The following AGPAT4 variants were observed in gnomAD, a reference collection of about 807,000 sequenced individuals.
The protein encoded by AGPAT4 is 1-acyl-sn-glycerol-3-phosphate acyltransferase delta.
A neutral mutation model predicts 48.0 loss-of-function variants in AGPAT4; 15 were observed. That is an observed-to-expected ratio of 0.31 (90% CI 0.21 to 0.48). The LOEUF is 0.48. AGPAT4 is among the 20% of genes least tolerant of loss of function. The pLI is 0.99. For synonymous variants in AGPAT4, 178 were observed against 198.7 expected (o/e 0.90, Z 0.88); for missense variants, 314 against 482.5 (o/e 0.65, Z 3.27).
Position 161,206,132 on chromosome 6 carries a change from C to T in AGPAT4, c.178+25904G>A, listed in dbSNP as rs984976836. Among the ~76,000 whole-genome samples the T allele has an allele frequency of 6.6e-6, 1 of 152,106 alleles. No homozygotes were observed. The highest frequency in any genetic ancestry group is 2.4e-5 in the African/African-American group (1 of 41,408). On this transcript the variant is annotated intron_variant, in intron 2 of 8. Transcript: ENST00000320285. This position sits in a 1 kb window ranked among gnomAD's most constrained non-coding sequence, Gnocchi z 4.8. ...AGCTAAAGGATCAGGGAAGTGGCAGCCTAGCAAGACCGAAAACCTCTAGAC... is the reference window on the plus strand; with the variant it reads ...AGCTAAAGGATCAGGGAAGTGGCAGTCTAGCAAGACCGAAAACCTCTAGAC...
At position 161,218,795 on chromosome 6, in the gene AGPAT4, C is replaced by T. The variant is rs1158183537; in HGVS notation, c.178+13241G>A. ...GAGGTGAAAAAACACTGTTATCTAC[C>T]AAACAGTATGATAAAACACTGTATC... is the stretch of plus-strand genomic sequence containing the variant. On this transcript the variant is annotated intron_variant, in intron 2 of 8. Coordinates refer to ENST00000320285, the MANE Select transcript of AGPAT4 (RefSeq NM_020133.3). The surrounding 1 kb of genome is among the most constrained non-coding windows in gnomAD (Gnocchi z 4.7). Among the ~76,000 whole-genome samples the T allele has an allele frequency of 1.3e-5, 2 of 151,596 alleles. No homozygotes were observed. The highest frequency in any genetic ancestry group is 4.8e-5 in the African/African-American group (2 of 41,290).
In AGPAT4 at chr6:161,166,636, T is replaced by C. The variant is rs1052643729; in HGVS notation, c.179-219A>G. Among the ~76,000 whole-genome samples the C allele has an allele frequency of 1.3e-5, 2 of 152,168 alleles. No homozygotes were observed. The highest frequency in any genetic ancestry group is 2.9e-5 in the Non-Finnish European group (2 of 68,040). On this transcript the variant is annotated intron_variant, in intron 2 of 8. Transcript: ENST00000320285. This position sits in a 1 kb window ranked among gnomAD's most constrained non-coding sequence, Gnocchi z 6.7. ...CATTCTCCAGGGAAGAAGAGAAGGA[T>C]ACTTGGAGAAGGTAAATGACTTACT...
intron 3 of AGPAT4, chr6:161,160,935 C>T (rs1481021170): frequency 6.6e-6 from 3 of 452,842 alleles, no homozygotes; most frequent in South Asian, 3.1e-5. Context: ...CCCAGCACCC[C>T]AGCACCCTAT....
intron 2 of AGPAT4, among the ~76,000 whole-genome samples, chr6:161,203,381 CTTTTTT>C (rs10585542): frequency 2.7e-5 from 3 of 110,794 alleles, no homozygotes; most frequent in East Asian, 5.8e-4. Flanking sequence ...CTTTTTCTTT[CTTTTTT>C]TTTTTTTTTT....
In AGPAT4 at chr6:161,138,164, G is replaced by C. The variant is rs1779134227; in HGVS notation, c.1042+1258C>G. Among the ~76,000 whole-genome samples, 1 of 152,242 alleles carries C rather than the reference G, an allele frequency of 6.6e-6. No homozygotes were observed. Among genetic ancestry groups the C allele is most frequent in the South Asian group, 2.1e-4 (1 of 4,828 alleles). ...ATGGCGGGGCATGGGGGTGCCCCTGGACCTGCCTTAAGGAGATGAGGTGCT... is the reference window on the plus strand; with the variant it reads ...ATGGCGGGGCATGGGGGTGCCCCTGCACCTGCCTTAAGGAGATGAGGTGCT... On this transcript the variant is annotated intron_variant, in intron 8 of 8. Transcript: ENST00000320285. This position sits in a 1 kb window ranked among gnomAD's most constrained non-coding sequence, Gnocchi z 4.8.
At position 161,259,301 on chromosome 6, in the gene AGPAT4, T is replaced by A. The variant is rs1783035025; in HGVS notation, c.-90+14637A>T. Among the ~76,000 whole-genome samples the A allele has an allele frequency of 6.6e-6, 1 of 152,138 alleles. No homozygotes were observed. The highest frequency in any genetic ancestry group is 1.5e-5 in the Non-Finnish European group (1 of 68,030). ...AAATACACATTATTCTTAGTTATGG[T>A]CACAATGCCATGTAACAGACCTCTG... is the stretch of plus-strand genomic sequence containing the variant. On this transcript the variant is annotated intron_variant, in intron 1 of 8. Transcript: ENST00000320285. The surrounding 1 kb of genome is among the most constrained non-coding windows in gnomAD (Gnocchi z 4.9).
At position 161,153,331 on chromosome 6, in the gene AGPAT4, C is replaced by G. The variant is rs200508297; in HGVS notation, c.664+15G>C. The G allele has an allele frequency of 6.3e-7, 1 of 1,599,482 alleles. No individual in the cohort carries two copies. Among genetic ancestry groups the G allele is most frequent in the Non-Finnish European group, 8.5e-7 (1 of 1,172,534 alleles). ...GCTGCCACGGGGAGGCCCAGGGCCACGCACTCTTCCTTACCTACATTTCTC... is the reference window on the plus strand; with the variant it reads ...GCTGCCACGGGGAGGCCCAGGGCCAGGCACTCTTCCTTACCTACATTTCTC... On this transcript the variant is annotated intron_variant, in intron 5 of 8. Coordinates refer to ENST00000320285, the MANE Select transcript of AGPAT4 (RefSeq NM_020133.3).
In AGPAT4 at chr6:161,155,682, A is replaced by G. The variant is rs1779748825; in HGVS notation, c.349-1372T>C. Among the ~76,000 whole-genome samples, 1 of 152,242 alleles carries G rather than the reference A, an allele frequency of 6.6e-6. No homozygotes were observed. The highest frequency in any genetic ancestry group is 2.1e-4 in the South Asian group (1 of 4,828). On this transcript the variant is annotated intron_variant, in intron 3 of 8. Coordinates refer to ENST00000320285, the MANE Select transcript of AGPAT4 (RefSeq NM_020133.3). The surrounding 1 kb of genome is among the most constrained non-coding windows in gnomAD (Gnocchi z 5.8). ...AAATCCAACATGCAGATTCTCTCCA[A>G]GAAAACTTAGCCATGAAATCGGAGG...
chr6:161,177,374 C>G lies in AGPAT4; in HGVS notation c.179-10957G>C, dbSNP rs374098003. 6.6e-6 allele frequency among the ~76,000 whole-genome samples: 1 copy of G among 152,298 alleles called. No individual in the cohort carries two copies. Among genetic ancestry groups the G allele is most frequent in the African/African-American group, 2.4e-5 (1 of 41,560 alleles). The stretch of plus-strand genomic sequence containing the variant: ...TCTTCTTTCTCTAAACTTCTCTTCT[C>G]GCTTCATTTCATTAATTTGATCTTC... On this transcript the variant is annotated intron_variant, in intron 2 of 8. Coordinates refer to ENST00000320285, the MANE Select transcript of AGPAT4 (RefSeq NM_020133.3). This position sits in a 1 kb window ranked among gnomAD's most constrained non-coding sequence, Gnocchi z 5.0.
rs904590874 is a variant in AGPAT4, at chr6:161,137,978, C to T, written c.1043-1344G>A. Among the ~76,000 whole-genome samples, 1 of 152,226 alleles carries T rather than the reference C, an allele frequency of 6.6e-6. No individual in the cohort carries two copies. Among genetic ancestry groups the T allele is most frequent in the African/African-American group, 2.4e-5 (1 of 41,456 alleles). On this transcript the variant is annotated intron_variant, in intron 8 of 8. Transcript: ENST00000320285. This position sits in a 1 kb window ranked among gnomAD's most constrained non-coding sequence, Gnocchi z 6.1. ...GTACTCGCTACACAGCTGGGTGGCC[C>T]TGTCTGCAGCCTTCATCCTGAAGGG...
chr6:161,199,916 A>C (rs1781179132), intron 2 of AGPAT4, among the ~76,000 whole-genome samples: 1 of 152,130 alleles, frequency 6.6e-6, no homozygotes, highest in African/African-American at 2.4e-5. Context: ...GAATAGACTA[A>C]AGCAGCTTGA....
Position 161,212,816 on chromosome 6 carries a change from G to A in AGPAT4, c.178+19220C>T, listed in dbSNP as rs1048188319. 2.0e-5 allele frequency among the ~76,000 whole-genome samples: 3 copies of A among 152,162 alleles called. No homozygotes were observed. Among genetic ancestry groups the A allele is most frequent in the Non-Finnish European group, 4.4e-5 (3 of 68,040 alleles). On this transcript the variant is annotated intron_variant, in intron 2 of 8. Transcript: ENST00000320285. This position sits in a 1 kb window ranked among gnomAD's most constrained non-coding sequence, Gnocchi z 6.1. Reference sequence around the variant, plus strand: ...AATCAGCTATAGAACTCTAACAGGTGTTCTTAAATGCAGGTTTCTGATAAC... The same window carrying A: ...AATCAGCTATAGAACTCTAACAGGTATTCTTAAATGCAGGTTTCTGATAAC...
In AGPAT4 at chr6:161,139,641, C is replaced by T. The variant is rs202150883; in HGVS notation, c.844-21G>A. ...GCATCCTGGGGGACAGGAAAGAGGA[C>T]CCTCAGACGCCACACGGGGCTCGGT... On this transcript the variant is annotated intron_variant, in intron 7 of 8. Transcript: ENST00000320285. This position sits in a 1 kb window ranked among gnomAD's most constrained non-coding sequence, Gnocchi z 9.1. 1.3e-6 allele frequency: 2 copies of T among 1,573,428 alleles called. No individual in the cohort carries two copies. The highest frequency in any genetic ancestry group is 4.5e-5 in the East Asian group (2 of 44,114).
At position 161,218,912 on chromosome 6, in the gene AGPAT4, A is replaced by G. The variant is rs1781729211; in HGVS notation, c.178+13124T>C. Among the ~76,000 whole-genome samples, 1 of 152,184 alleles carries G rather than the reference A, an allele frequency of 6.6e-6. No individual in the cohort carries two copies. The highest frequency in any genetic ancestry group is 1.5e-5 in the Non-Finnish European group (1 of 68,042). On this transcript the variant is annotated intron_variant, in intron 2 of 8. Coordinates refer to ENST00000320285, the MANE Select transcript of AGPAT4 (RefSeq NM_020133.3). The surrounding 1 kb of genome is among the most constrained non-coding windows in gnomAD (Gnocchi z 4.7). ...AGTATGATAAAACACTGTATCTACC[A>G]AAGCGTTTCTAGGATTTTTCCTTCA...
chr6:161,151,435 A>T (rs2114963715), intron 5 of AGPAT4, among the ~76,000 whole-genome samples: 1 of 152,362 alleles, frequency 6.6e-6, no homozygotes, highest in East Asian at 1.9e-4. Context: ...GACTGAGGCA[A>T]AGCTCAGTTA....
intron 2 of AGPAT4, among the ~76,000 whole-genome samples, chr6:161,176,694 T>C (rs1225504690): frequency 6.6e-6 from 1 of 152,214 alleles, no homozygotes; most frequent in Non-Finnish European, 1.5e-5. Context: ...TGATGTTAGC[T>C]GGTTATTTTG....
At position 161,134,620 on chromosome 6, in the gene AGPAT4, C is replaced by T. The variant is rs886592671; in HGVS notation, c.*1920G>A. On this transcript the variant is annotated 3_prime_UTR_variant, in exon 9 of 9. Transcript: ENST00000320285. The stretch of plus-strand genomic sequence containing the variant: ...GGAAAAGTGTCTCACCCAAATCCTA[C>T]AGCCGATGAGCTGCAGAGTTCAGGT... 2.6e-5 allele frequency: 4 copies of T among 152,224 alleles called. No individual in the cohort carries two copies. The East Asian group carries it at 7.7e-4, about 29-fold the overall frequency. 9.4% of individuals were successfully genotyped at this position (152,224 alleles called of 1,614,324 possible).
At chr6:161,176,607 G>T (rs1424153476) in intron 2 of AGPAT4, among the ~76,000 whole-genome samples, 4 of 152,148 alleles carry the variant, frequency 2.6e-5, no homozygotes, top group African/African-American at 4.8e-5. Context: ...TTGCCAGTCT[G>T]TGTCTTTTAA....
At chr6:161,175,775 G>T (rs1780411786) in intron 2 of AGPAT4, among the ~76,000 whole-genome samples, 1 of 152,128 alleles carries the variant, frequency 6.6e-6, no homozygotes, top group Non-Finnish European at 1.5e-5. Context: ...TGGGCATTTA[G>T]TGCTATAAAT....
Sources: allele counts gnomAD v4.1 joint callset (sites outside exome capture counted in the v4.1 genomes callset), GRCh38; gene constraint gnomAD v4.1.1; non-coding constraint Gnocchi (gnomAD v3.1); transcripts MANE v1.5; gene names NCBI Gene and HGNC (gene_info 2026-07-23, HGNC 2026-07-21).